Variants in SLC22A25 observed in about 807,000 individuals in gnomAD.
SLC22A25 encodes the protein solute carrier family 22 member 25, also known as MGI:2442751, MGI:2385316, MGI:3042283, MGI:3645714, MGI:3605624, MGI:2442750.
In SLC22A25, 44 loss-of-function variants were observed where a neutral mutation model predicts 45.9. That is an observed-to-expected ratio of 0.96 (90% CI 0.75 to 1.23). The LOEUF (loss-of-function observed/expected upper bound fraction) is 1.23, where lower values mean the gene tolerates loss of function less well. Among genes scored for constraint, SLC22A25 ranks in the 50% most tolerant of loss-of-function variants. The pLI is 0.00. For synonymous variants in SLC22A25, 283 were observed against 238.6 expected, an observed-to-expected ratio of 1.19 and a Z score of -1.72; for missense variants, 800 against 666.4, an observed-to-expected ratio of 1.20 and a Z score of -2.21.
chr11:63,192,782 TCTAA>T (rs1371878485), intron 7 of SLC22A25, among the ~76,000 whole-genome samples: 2 of 152,164 alleles, frequency 1.3e-5, no homozygotes, highest in Non-Finnish European at 2.9e-5. Context: ...AACAAGAAGA[TCTAA>T]CTATCTTAAA....
At position 63,230,613 on chromosome 11, in the gene SLC22A25, T is replaced by G. The variant is rs138343189; in HGVS notation, c.-444-517A>C. 2.0e-3 allele frequency among the ~76,000 whole-genome samples: 301 copies of G among 152,324 alleles called. 1 individual carries two copies. Among genetic ancestry groups the G allele is most frequent in the African/African-American group, 6.8e-3 (281 of 41,566 alleles). Reference sequence around the variant, plus strand: ...AATGTATACCTCATTGAGGTATAATTCATTTACCATACAGTTCACCCTTTT... The same window carrying G: ...AATGTATACCTCATTGAGGTATAATGCATTTACCATACAGTTCACCCTTTT... On this transcript the variant is annotated intron_variant, in intron 3 of 11. Coordinates refer to ENST00000306494, the MANE Select transcript of SLC22A25 (RefSeq NM_199352.6).
In SLC22A25 at chr11:63,163,713, G is replaced by T; in HGVS notation, c.*111C>A. The T allele has an allele frequency of 7.1e-7, 1 of 1,409,616 alleles. No homozygotes were observed. Among genetic ancestry groups the T allele is most frequent in the Non-Finnish European group, 9.5e-7 (1 of 1,047,304 alleles). 87.3% of individuals were successfully genotyped at this position (1,409,616 alleles called of 1,614,324 possible). ...GGGATGTATGAGGTCACTGTGGAAG[G>T]GATGAGGATACACCAAAGGCAAAGG... is the stretch of plus-strand genomic sequence containing the variant. On this transcript the variant is annotated 3_prime_UTR_variant, in exon 12 of 12. Transcript: ENST00000306494.
chr11:63,171,175 G>A (rs2087869524), intron 9 of SLC22A25, among the ~76,000 whole-genome samples: 1 of 152,100 alleles, frequency 6.6e-6, no homozygotes, highest in Non-Finnish European at 1.5e-5. Flanking sequence ...AATAATAAGA[G>A]CTATTTATGA....
At chr11:63,165,624 C>T (rs2087652993) in intron 10 of SLC22A25, among the ~76,000 whole-genome samples, 1 of 152,126 alleles carries the variant, frequency 6.6e-6, no homozygotes, top group South Asian at 2.1e-4. Context: ...TTAGGGAGTA[C>T]TTTGTCACAG....
chr11:63,180,816 A>T (rs777829205), intron 8 of SLC22A25, 41 bp from the exon 9 acceptor site: 2 of 1,447,040 alleles, frequency 1.4e-6, no homozygotes. Context: ...CAGTTGTCAC[A>T]AAATGGTAGG....
chr11:63,175,691 C>T (rs76048053), intron 9 of SLC22A25, among the ~76,000 whole-genome samples: 7 of 151,938 alleles, frequency 4.6e-5, no homozygotes, highest in East Asian at 1.9e-4. Context: ...TGTCATGAAG[C>T]TTTTCACCTA....
chr11:63,189,886 G>C (rs1565085294), intron 7 of SLC22A25, among the ~76,000 whole-genome samples: 1 of 152,190 alleles, frequency 6.6e-6, no homozygotes, highest in African/African-American at 2.4e-5. Context: ...ACTCTCTTCT[G>C]GCTTGTAGAG....
intron 9 of SLC22A25, chr11:63,166,792 G>GA (rs1565059677): frequency 4.2e-5 from 41 of 984,296 alleles, no homozygotes; most frequent in Non-Finnish European, 4.9e-5. Flanking sequence ...ATTAGAATAA[G>GA]AAAACCTATT....
At chr11:63,185,407 G>A (rs1188504764) in intron 7 of SLC22A25, among the ~76,000 whole-genome samples, 1 of 151,722 alleles carries the variant, frequency 6.6e-6, no homozygotes, top group Non-Finnish European at 1.5e-5. Context: ...CTGTCCTTGC[G>A]ATAGTTTGCT....
chr11:63,189,500 T>A (rs1462643437), intron 7 of SLC22A25, among the ~76,000 whole-genome samples: 1 of 152,246 alleles, frequency 6.6e-6, no homozygotes, highest in Non-Finnish European at 1.5e-5. Context: ...CTTTAAACAA[T>A]TTGCCAGTCT....
chr11:63,212,783 C>T (rs906437445), intron 7 of SLC22A25, among the ~76,000 whole-genome samples: 1 of 149,410 alleles, frequency 6.7e-6, no homozygotes, highest in Admixed American at 6.8e-5. Context: ...GTACATGTAC[C>T]CTAAAACTTA....
rs984643579 is a variant in SLC22A25 at position 63,160,976 on chromosome 11, G to T, written c.*2848C>A. Among the ~76,000 whole-genome samples the T allele has an allele frequency of 6.6e-6, 1 of 152,164 alleles. No individual in the cohort carries two copies. The highest frequency in any genetic ancestry group is 1.5e-5 in the Non-Finnish European group (1 of 68,028). On this transcript the variant is annotated 3_prime_UTR_variant, in exon 12 of 12. Transcript: ENST00000306494. The stretch of plus-strand genomic sequence containing the variant: ...AGTAAAGCTAACATTTGACCCAACA[G>T]TTCCACTGCACCATTGTATTAGTCC...
chr11:63,170,016 C>A (rs2134712827), intron 9 of SLC22A25, among the ~76,000 whole-genome samples: 1 of 152,298 alleles, frequency 6.6e-6, no homozygotes, highest in East Asian at 1.9e-4. Flanking sequence ...GAAACTCATT[C>A]AAAACCACTC....
chr11:63,185,945 G>T (rs1191922260), intron 7 of SLC22A25, among the ~76,000 whole-genome samples: 1 of 151,730 alleles, frequency 6.6e-6, no homozygotes, highest in Non-Finnish European at 1.5e-5. Context: ...GTCTATCAGT[G>T]TTGGACATTT....
chr11:63,229,008 T>C (rs2090017164), intron 4 of SLC22A25, among the ~76,000 whole-genome samples: 1 of 152,240 alleles, frequency 6.6e-6, no homozygotes, highest in Non-Finnish European at 1.5e-5. Flanking sequence ...CATAAATGCT[T>C]GCTTAAATTT....
intron 7 of SLC22A25, among the ~76,000 whole-genome samples, chr11:63,184,439 TC>T (rs1177139761): frequency 6.6e-6 from 1 of 152,110 alleles, no homozygotes; most frequent in Non-Finnish European, 1.5e-5. Context: ...TGTAATTATC[TC>T]TCTGAGGTAA....
intron 9 of SLC22A25, among the ~76,000 whole-genome samples, chr11:63,171,759 A>T (rs2087894527): frequency 6.6e-6 from 1 of 152,200 alleles, no homozygotes; most frequent in African/African-American, 2.4e-5. Flanking sequence ...ATTCAATGCT[A>T]TTCCTCAAGC....
At position 63,159,357 on chromosome 11, in the gene SLC22A25, T is replaced by G. The variant is rs371795290; in HGVS notation, c.*4467A>C. On this transcript the variant is annotated 3_prime_UTR_variant, in exon 12 of 12. Coordinates refer to ENST00000306494, the MANE Select transcript of SLC22A25 (RefSeq NM_199352.6). Reference sequence around the variant, plus strand: ...TTCCCACCTGTCATGGGAGGGAGCCTGTGGGAGGTAATTGAATCATGGGGC... The same window carrying G: ...TTCCCACCTGTCATGGGAGGGAGCCGGTGGGAGGTAATTGAATCATGGGGC... Among the ~76,000 whole-genome samples, 156 of 152,220 alleles carry G rather than the reference T, an allele frequency of 1.0e-3. No homozygotes were observed. Among genetic ancestry groups the G allele is most frequent in the African/African-American group, 3.6e-3 (149 of 41,536 alleles).
chr11:63,166,562 C>A, intron 9 of SLC22A25: 1 of 1,049,416 alleles, frequency 9.5e-7, no homozygotes, highest in Non-Finnish European at 1.1e-6. Flanking sequence ...AGCCACATGG[C>A]ATCAAAAATC....
Sources: allele counts gnomAD v4.1 joint callset (sites outside exome capture counted in the v4.1 genomes callset), GRCh38; gene constraint gnomAD v4.1.1; transcripts MANE v1.5; gene names NCBI Gene and HGNC (gene_info 2026-07-23, HGNC 2026-07-21).